The following PREPL variants were observed in gnomAD, a reference collection of about 807,000 sequenced individuals.
PREPL encodes the protein prolyl endopeptidase-like.
Under a neutral mutation model 70.6 loss-of-function variants are expected in PREPL, and 77 were observed. That is an observed-to-expected ratio of 1.09 (90% CI 0.91 to 1.32). The LOEUF (loss-of-function observed/expected upper bound fraction) is 1.32. PREPL is among the 40% of genes most tolerant of loss of function. PREPL has a pLI of 0.00. For missense variants in PREPL, 1,002 were observed against 778.2 expected, an observed-to-expected ratio of 1.29 and a Z score of -3.42; for synonymous variants, 315 against 264.8, an observed-to-expected ratio of 1.19 and a Z score of -1.84.
In PREPL at chr2:44,338,360, C is replaced by A. The variant is rs546552914; in HGVS notation, c.879G>T (p.Arg293=). Residue 293 remains arginine, a synonymous_variant, in exon 7 of 14, where the codon CGG becomes CGT. Coordinates refer to ENST00000409411, the MANE Select transcript of PREPL (RefSeq NM_001171613.2). ...NVIGLADDSV[R]SLKLPPWACG... is the part of the protein sequence containing the mutation. Reference sequence around the variant, plus strand: ...TGAAAATTAAACATACCTTTAGAGACCGAACTGAATCATCAGCCAGACCAA... The same window carrying A: ...TGAAAATTAAACATACCTTTAGAGAACGAACTGAATCATCAGCCAGACCAA... 29 of 1,610,674 alleles carry A rather than the reference C, an allele frequency of 1.8e-5. No individual in the cohort carries two copies. The highest frequency in any genetic ancestry group is 2.4e-5 in the Non-Finnish European group (28 of 1,179,224).
chr2:44,343,990 A>T (rs1217085838), intron 3 of PREPL, 39 bp from the exon 4 acceptor site: 1 of 1,581,012 alleles, frequency 6.3e-7, no homozygotes, highest in East Asian at 2.2e-5. Context: ...ACTTCAAAGG[A>T]TGTACTTTAA....
intron 8 of PREPL, among the ~76,000 whole-genome samples, chr2:44,330,088 ATTG>A (rs66582142): frequency 0.032 from 4,818 of 152,288 alleles, 87 homozygotes; most frequent in Non-Finnish European, 0.05. Flanking sequence ...TTGTTATGAC[ATTG>A]TTAACTTTCA....
chr2:44,339,141 G>T lies in PREPL; in HGVS notation c.702+6C>A. On this transcript the variant is annotated splice_donor_region_variant and intron_variant, in intron 6 of 13. Transcript: ENST00000409411. Reference sequence around the variant, plus strand: ...CCAAATAGGAACAACGAGCATCCAGGATTACCTTAAATTCTGTAGGTTCTC... The same window carrying T: ...CCAAATAGGAACAACGAGCATCCAGTATTACCTTAAATTCTGTAGGTTCTC... 6.2e-7 allele frequency: 1 copy of T among 1,613,396 alleles called. No individual in the cohort carries two copies.
In PREPL at chr2:44,321,251, T is replaced by C. The variant is rs531004244; in HGVS notation, c.*105A>G. On this transcript the variant is annotated 3_prime_UTR_variant, in exon 14 of 14. Coordinates refer to ENST00000409411, the MANE Select transcript of PREPL (RefSeq NM_001171613.2). ...GGAGAAGCACATTTTAAAAAATTAATAACTTAAAAGTCTCAAGTTATTAAT... is the reference window on the plus strand; with the variant it reads ...GGAGAAGCACATTTTAAAAAATTAACAACTTAAAAGTCTCAAGTTATTAAT... The C allele has an allele frequency of 1.0e-6, 1 of 1,002,348 alleles. No homozygotes were observed. Among genetic ancestry groups the C allele is most frequent in the African/African-American group, 1.6e-5 (1 of 60,678 alleles). 62.1% of individuals were successfully genotyped at this position (1,002,348 alleles called of 1,614,324 possible). A position where few individuals can be genotyped will look rare whatever the true frequency, so the allele number is the denominator to read the frequency against.
Position 44,328,972 on chromosome 2 carries a change from C to T in PREPL, c.1227G>A (p.Val409=), listed in dbSNP as rs770075037. 2.5e-6 allele frequency: 4 copies of T among 1,613,834 alleles called. No homozygotes were observed. The East Asian group carries it at 8.9e-5, about 36-fold the overall frequency. Residue 409 remains valine (V), a synonymous_variant, in exon 9 of 14, where the codon GTG becomes GTA. Transcript: ENST00000409411. ...MNFRPERRVL[V]DDGWILAYCH... ...AGTATGCTAATATCCATCCATCATC[C>T]ACCAGGACCCGCCTCTCAGGCCTGA...
In PREPL at chr2:44,318,013, AT is replaced by A; in HGVS notation, c.*3342del. 5.6e-6 allele frequency: 2 copies of A among 359,842 alleles called. No homozygotes were observed. Among genetic ancestry groups the A allele is most frequent in the South Asian group, 4.0e-5 (2 of 50,424 alleles). The allele number at this position is 359,842 out of a possible 1,614,324, so 22.3% of individuals were successfully genotyped here. ...AGCTATAAACACAAAAAATGAAGTT[AT>A]CTTTTGACCTAATAATTCCATTCCT... is the stretch of plus-strand genomic sequence containing the variant. On this transcript the variant is annotated 3_prime_UTR_variant, in exon 14 of 14. Transcript: ENST00000409411.
Position 44,320,746 on chromosome 2 carries a change from A to G in PREPL, c.*610T>C, listed in dbSNP as rs111875587. The G allele has an allele frequency of 1.1e-5, 10 of 896,814 alleles. No individual in the cohort carries two copies. The highest frequency in any genetic ancestry group is 6.6e-5 in the African/African-American group (4 of 60,790). The allele number at this position is 896,814 out of a possible 1,614,324, so 55.6% of individuals were successfully genotyped here. On this transcript the variant is annotated 3_prime_UTR_variant, in exon 14 of 14. Coordinates refer to ENST00000409411, the MANE Select transcript of PREPL (RefSeq NM_001171613.2). ...TTGGTGAACAATCATTAATTCTTCG[A>G]TATTTCTGTAGCTTGAATGTAACTG...
chr2:44,325,205 A>G (rs1352867797), intron 10 of PREPL, among the ~76,000 whole-genome samples: 1 of 152,172 alleles, frequency 6.6e-6, no homozygotes, highest in Non-Finnish European at 1.5e-5. Context: ...CCCATGTGTG[A>G]CTTGGGTCTA....
chr2:44,349,723 G>C (rs13428161), intron 1 of PREPL, among the ~76,000 whole-genome samples: 5 of 152,106 alleles, frequency 3.3e-5, no homozygotes, highest in Non-Finnish European at 5.9e-5. Flanking sequence ...TCGGCACTTC[G>C]GGAGGCCAAG....
At chr2:44,357,977 A>C (rs1677228714) in intron 1 of PREPL, among the ~76,000 whole-genome samples, 1 of 152,216 alleles carries the variant, frequency 6.6e-6, no homozygotes, top group Admixed American at 6.5e-5. Context: ...AAACATAAAC[A>C]GTAAAAGTCT....
chr2:44,348,777 A>C (rs1279932795), intron 1 of PREPL, among the ~76,000 whole-genome samples: 1 of 152,216 alleles, frequency 6.6e-6, no homozygotes, highest in Admixed American at 6.5e-5. Context: ...CTTCTAAAGG[A>C]ATTACTCCCA....
Position 44,328,959 on chromosome 2 carries a change from T to A in PREPL, c.1240A>T (p.Ile414Leu), listed in dbSNP as rs2103785706. The A allele has an allele frequency of 6.2e-7, 1 of 1,613,806 alleles. No homozygotes were observed. Among genetic ancestry groups the A allele is most frequent in the Non-Finnish European group, 8.5e-7 (1 of 1,179,864 alleles). Residue 414 changes from isoleucine to leucine, a missense_variant, in exon 9 of 14, where the codon ATA (isoleucine) becomes TTA (leucine). Ile to Leu is a conservative substitution (Grantham distance 5). Transcript: ENST00000409411. ...CACCGAACATGGCAGTATGCTAATA[T>A]CCATCCATCATCCACCAGGACCCGC... Reference protein sequence around the residue: ...ERRVLVDDGWILAYCHVRGGG... With the variant: ...ERRVLVDDGWLLAYCHVRGGG...
At chr2:44,329,162 C>A in intron 8 of PREPL, 50 bp from the exon 9 acceptor site, 2 of 1,423,598 alleles carry the variant, frequency 1.4e-6, no homozygotes, top group Non-Finnish European at 1.9e-6. Flanking sequence ...TTTATAATAA[C>A]TGTTTTATCC....
rs538060967 is a variant in PREPL at position 44,359,750 on chromosome 2, G to T, written c.-49+1630C>A. ...GTCCCTGGTTTATGCTCCTTTTGGG[G>T]CTGCCAGCACACGAATGATTTTATA... is the stretch of plus-strand genomic sequence containing the variant. On this transcript the variant is annotated intron_variant, in intron 1 of 13. Transcript: ENST00000409411. 68 of 1,435,592 alleles carry T rather than the reference G, an allele frequency of 4.7e-5. 2 individuals are homozygous for T. The South Asian group carries it at 7.6e-4, about 16-fold the overall frequency. The allele number at this position is 1,435,592 out of a possible 1,614,324, so 88.9% of individuals were successfully genotyped here.
chr2:44,333,774 G>C (rs1324412453), intron 7 of PREPL, among the ~76,000 whole-genome samples: 1 of 152,134 alleles, frequency 6.6e-6, no homozygotes, highest in Admixed American at 6.5e-5. Context: ...AGAGTAAAAT[G>C]TAAACAAAAA....
At chr2:44,350,048 A>G (rs1466560507) in intron 1 of PREPL, among the ~76,000 whole-genome samples, 1 of 152,214 alleles carries the variant, frequency 6.6e-6, no homozygotes, top group East Asian at 1.9e-4. Flanking sequence ...TCATACGTCA[A>G]CTATTTAAAA....
chr2:44,318,093 CTGTTT>C lies in PREPL; in HGVS notation c.*3258_*3262del, dbSNP rs754829083. 1.4e-4 allele frequency: 56 copies of C among 394,782 alleles called. No homozygotes were observed. The highest frequency in any genetic ancestry group is 9.9e-4 in the African/African-American group (33 of 33,252). The allele number at this position is 394,782 out of a possible 1,614,324, so 24.5% of individuals were successfully genotyped here. A position where few individuals can be genotyped will look rare whatever the true frequency, so the allele number is the denominator to read the frequency against. On this transcript the variant is annotated 3_prime_UTR_variant, in exon 14 of 14. Coordinates refer to ENST00000409411, the MANE Select transcript of PREPL (RefSeq NM_001171613.2). ...CAATAATACTTAAAGGATCTCAACA[CTGTTT>C]TTTTTTTTTTTTGAGACAGTCTTGC...
chr2:44,350,597 T>G (rs1676314141), intron 1 of PREPL, among the ~76,000 whole-genome samples: 1 of 152,154 alleles, frequency 6.6e-6, no homozygotes, highest in African/African-American at 2.4e-5. Flanking sequence ...AACAACTAAT[T>G]GTATTTGCTG....
At chr2:44,337,363 G>A (rs1463914972) in intron 7 of PREPL, among the ~76,000 whole-genome samples, 5 of 152,118 alleles carry the variant, frequency 3.3e-5, no homozygotes, top group African/African-American at 4.8e-5. Flanking sequence ...TCAAATCCAT[G>A]ATACACTTAA....
Sources: allele counts gnomAD v4.1 joint callset (sites outside exome capture counted in the v4.1 genomes callset), GRCh38; gene constraint gnomAD v4.1.1; transcripts MANE v1.5; gene names NCBI Gene and HGNC (gene_info 2026-07-23, HGNC 2026-07-21).